The following SUPT3H variants were observed in gnomAD, a reference collection of about 807,000 sequenced individuals.
SUPT3H encodes SPT3 homolog, SAGA and STAGA complex component, also known as transcription initiation protein SPT3 homolog.
A neutral mutation model predicts 44.3 loss-of-function variants in SUPT3H; 44 were observed. The observed-to-expected ratio is 0.99, with a 90% CI of 0.78 to 1.28. SUPT3H has a LOEUF of 1.28. Among genes scored for constraint, SUPT3H ranks in the 50% most tolerant of loss-of-function variants. The pLI is 0.00. For synonymous variants in SUPT3H, 124 were observed against 125.6 expected (o/e 0.99, Z 0.09); for missense variants, 380 against 387.1 (o/e 0.98, Z 0.15).
intron 11 of SUPT3H, among the ~76,000 whole-genome samples, chr6:44,820,114 G>T (rs1767194513): frequency 6.6e-6 from 1 of 152,266 alleles, no homozygotes; most frequent in South Asian, 2.1e-4. Flanking sequence ...AGCTACTCAG[G>T]AGGCTGAGGT....
At chr6:44,937,514 T>G (rs565379457) in intron 9 of SUPT3H, among the ~76,000 whole-genome samples, 1 of 151,328 alleles carries the variant, frequency 6.6e-6, no homozygotes, top group East Asian at 1.9e-4. Context: ...ACCGTACTGT[T>G]TTCAATAGAA....
At chr6:44,979,136 C>T (rs1778747732) in intron 6 of SUPT3H, among the ~76,000 whole-genome samples, 1 of 152,024 alleles carries the variant, frequency 6.6e-6, no homozygotes, top group Non-Finnish European at 1.5e-5. Flanking sequence ...CTTTGCATAC[C>T]CTCCTTTGCA....
chr6:45,284,518 C>T (rs1172861569), intron 2 of SUPT3H, among the ~76,000 whole-genome samples: 2 of 152,168 alleles, frequency 1.3e-5, no homozygotes, highest in East Asian at 1.9e-4. Flanking sequence ...TTCCTTAACA[C>T]ATACACCCTC....
At chr6:45,152,299 A>G (rs1309736278) in intron 2 of SUPT3H, among the ~76,000 whole-genome samples, 1 of 152,176 alleles carries the variant, frequency 6.6e-6, no homozygotes, top group African/African-American at 2.4e-5. Context: ...CAGATCTATT[A>G]GCAAATCTTG....
intron 3 of SUPT3H, among the ~76,000 whole-genome samples, chr6:45,089,547 G>A (rs1224493066): frequency 6.6e-6 from 1 of 151,916 alleles, no homozygotes; most frequent in Non-Finnish European, 1.5e-5. Flanking sequence ...TGTGCTTTCT[G>A]ACCTATTTCA....
chr6:44,857,895 T>A (rs932249578), intron 10 of SUPT3H, among the ~76,000 whole-genome samples: 5 of 152,158 alleles, frequency 3.3e-5, no homozygotes, highest in African/African-American at 1.2e-4. Context: ...AGGAGGGAAG[T>A]AAAGACTTGT....
At chr6:44,930,467 G>A (rs569302582) in intron 10 of SUPT3H, among the ~76,000 whole-genome samples, 1 of 151,416 alleles carries the variant, frequency 6.6e-6, no homozygotes, top group African/African-American at 2.4e-5. Context: ...GGAGGCTGAG[G>A]TAGGGAGAAC....
chr6:44,921,721 G>A lies in SUPT3H; in HGVS notation c.912+10932C>T, dbSNP rs114167484. On this transcript the variant is annotated intron_variant, in intron 10 of 10. Transcript: ENST00000371459. ...TTGGGTTAGATCAGGAATATAGAGT[G>A]AAATCAGAGCCAGAAATGTAGTCTC... Among the ~76,000 whole-genome samples the A allele has an allele frequency of 6.5e-3, 987 of 152,294 alleles. 12 individuals carry two copies. Among genetic ancestry groups the A allele is most frequent in the African/African-American group, 0.022 (932 of 41,570 alleles).
At chr6:44,957,200 A>G (rs1431434898) in intron 7 of SUPT3H, among the ~76,000 whole-genome samples, 1 of 152,196 alleles carries the variant, frequency 6.6e-6, no homozygotes. Flanking sequence ...TCAAAGCATG[A>G]TATTTTGATC....
intron 2 of SUPT3H, among the ~76,000 whole-genome samples, chr6:45,182,073 T>G (rs906063258): frequency 6.6e-6 from 1 of 152,074 alleles, no homozygotes; most frequent in Non-Finnish European, 1.5e-5. Context: ...TTTACCTTAA[T>G]AAATTTTTAT....
intron 2 of SUPT3H, among the ~76,000 whole-genome samples, chr6:45,325,380 C>T (rs560442900): frequency 3.9e-5 from 6 of 151,918 alleles, no homozygotes; most frequent in African/African-American, 1.4e-4. Flanking sequence ...AATGAAGACA[C>T]ACATAGCATT....
At chr6:45,054,285 G>A (rs1790781434) in intron 3 of SUPT3H, among the ~76,000 whole-genome samples, 1 of 152,064 alleles carries the variant, frequency 6.6e-6, no homozygotes, top group African/African-American at 2.4e-5. Context: ...TTTCTCTGAA[G>A]TAGGTCTTAA....
At chr6:45,030,905 G>A (rs1583163661) in intron 3 of SUPT3H, among the ~76,000 whole-genome samples, 2 of 152,200 alleles carry the variant, frequency 1.3e-5, no homozygotes, top group African/African-American at 4.8e-5. Context: ...TATGAAACTC[G>A]GTTAAAATGT....
chr6:45,320,871 A>G (rs1298883913), intron 2 of SUPT3H, among the ~76,000 whole-genome samples: 1 of 152,206 alleles, frequency 6.6e-6, no homozygotes, highest in Non-Finnish European at 1.5e-5. Context: ...TAAACAATTT[A>G]GTAGTATTAG....
intron 2 of SUPT3H, among the ~76,000 whole-genome samples, chr6:45,266,445 A>G (rs1775281573): frequency 6.6e-6 from 1 of 152,038 alleles, no homozygotes; most frequent in Admixed American, 6.6e-5. Flanking sequence ...CTCAGTTGAT[A>G]TCTTAAAAAA....
At chr6:45,282,719 C>G (rs1003525812) in intron 2 of SUPT3H, among the ~76,000 whole-genome samples, 1 of 152,084 alleles carries the variant, frequency 6.6e-6, no homozygotes. Flanking sequence ...CATGCAAAGT[C>G]AGGAAATACA....
In SUPT3H at chr6:45,283,189, A is replaced by G. The variant is rs532459693; in HGVS notation, c.101+82012T>C. Among the ~76,000 whole-genome samples, 1,219 of 152,292 alleles carry G rather than the reference A, an allele frequency of 8.0e-3. 23 individuals are homozygous for G. Among genetic ancestry groups the G allele is most frequent in the African/African-American group, 0.028 (1,150 of 41,552 alleles). The stretch of plus-strand genomic sequence containing the variant: ...AAAACTGCATCAACTAACGAGCAAA[A>G]TAACCAGCTAACATCATAATGACAG... On this transcript the variant is annotated intron_variant, in intron 2 of 10. Transcript: ENST00000371459.
At chr6:45,057,134 T>C (rs1478690106) in intron 3 of SUPT3H, among the ~76,000 whole-genome samples, 6 of 152,168 alleles carry the variant, frequency 3.9e-5, no homozygotes, top group African/African-American at 7.2e-5. Context: ...TAGGTAAACA[T>C]AGAAGTTCAC....
At chr6:45,058,606 T>C (rs1791495509) in intron 3 of SUPT3H, among the ~76,000 whole-genome samples, 1 of 152,124 alleles carries the variant, frequency 6.6e-6, no homozygotes, top group East Asian at 1.9e-4. Flanking sequence ...AAATCTTACA[T>C]ACTGGTTTTA....
Sources: gnomAD v4.1 joint callset for allele counts (sites outside exome capture counted in the v4.1 genomes callset) on GRCh38, gnomAD v4.1.1 for gene constraint, MANE v1.5 for transcripts, NCBI Gene and HGNC (gene_info 2026-07-23, HGNC 2026-07-21) for gene names.